GRM5: variants seen among roughly 807,000 people sequenced by gnomAD.
The protein encoded by GRM5 is metabotropic glutamate receptor 5.
A neutral mutation model predicts 83.1 loss-of-function variants in GRM5; 19 were observed. That is an observed-to-expected ratio of 0.23 (90% confidence interval 0.16 to 0.34). The LOEUF is 0.34. GRM5 is among the 10% of genes least tolerant of loss of function. GRM5 has a pLI of 1.00. For synonymous variants in GRM5, 675 were observed against 633.6 expected (o/e 1.07, Z -0.98); for missense variants, 1,160 against 1,588.3 (o/e 0.73, Z 4.58).
chr11:88,525,598 C>T (rs927974193), intron 8 of GRM5, among the ~76,000 whole-genome samples, 194 bp from the exon 9 acceptor site: 16 of 152,154 alleles, frequency 1.1e-4, no homozygotes, highest in Admixed American at 4.6e-4. Flanking sequence ...TCAGGGATGA[C>T]GTTGTTACTT....
rs534437118 is a variant in GRM5 at position 88,602,710 on chromosome 11, A to C, written c.1394+2008T>G. 2.0e-5 allele frequency among the ~76,000 whole-genome samples: 3 copies of C among 152,332 alleles called. No homozygotes were observed. The East Asian group carries it at 5.8e-4, about 29-fold the overall frequency. On this transcript the variant is annotated intron_variant, in intron 5 of 9. Transcript: ENST00000305447. ...TTGAAGCCCAGGAGACAGAGTTAAA[A>C]TTTTGACTCTATCATTTACTAGACT... is the stretch of plus-strand genomic sequence containing the variant.
At chr11:89,033,299 A>G (rs548948179) in intron 2 of GRM5, among the ~76,000 whole-genome samples, 1 of 149,306 alleles carries the variant, frequency 6.7e-6, no homozygotes, top group South Asian at 2.1e-4. Context: ...GAGCAATTCC[A>G]AGATTAATAC....
intron 2 of GRM5, among the ~76,000 whole-genome samples, chr11:88,896,652 C>T (rs1489422750): frequency 1.3e-5 from 2 of 151,876 alleles, no homozygotes; most frequent in Non-Finnish European, 1.5e-5. Flanking sequence ...TGATGTGAGT[C>T]CTAGTCTGAG....
chr11:88,840,437 A>T (rs1944177241), intron 3 of GRM5, among the ~76,000 whole-genome samples: 1 of 152,068 alleles, frequency 6.6e-6, no homozygotes, highest in Non-Finnish European at 1.5e-5. Flanking sequence ...TTAGCTCTTG[A>T]ATTTCTCCAA....
intron 2 of GRM5, among the ~76,000 whole-genome samples, chr11:89,028,232 A>G (rs1419673573): frequency 6.6e-6 from 1 of 152,178 alleles, no homozygotes; most frequent in Non-Finnish European, 1.5e-5. Flanking sequence ...ATTAATTATA[A>G]CTAACATCCA....
intron 2 of GRM5, among the ~76,000 whole-genome samples, chr11:88,985,534 A>G (rs1275968355): frequency 1.3e-5 from 2 of 151,566 alleles, no homozygotes; most frequent in Admixed American, 6.5e-5. Flanking sequence ...GTTTTAATAA[A>G]CAACACTTTC....
chr11:88,784,373 C>A (rs1009072189), intron 3 of GRM5, among the ~76,000 whole-genome samples: 4 of 152,090 alleles, frequency 2.6e-5, no homozygotes, highest in Non-Finnish European at 4.4e-5. Context: ...ATAGGAATAA[C>A]TGATCAATAC....
At chr11:88,543,047 G>T (rs562346139) in intron 8 of GRM5, among the ~76,000 whole-genome samples, 16 of 152,262 alleles carry the variant, frequency 1.1e-4, no homozygotes, top group Admixed American at 2.6e-4. Context: ...CAGCCTGGGC[G>T]ACAGAACAAG....
At chr11:88,817,916 A>T (rs916001485) in intron 3 of GRM5, among the ~76,000 whole-genome samples, 3 of 152,102 alleles carry the variant, frequency 2.0e-5, no homozygotes, top group African/African-American at 7.2e-5. Flanking sequence ...TTTAGCCAAC[A>T]TGTTACACTG....
chr11:88,901,506 C>T (rs867192420), intron 2 of GRM5, among the ~76,000 whole-genome samples: 33 of 152,086 alleles, frequency 2.2e-4, no homozygotes, highest in African/African-American at 6.8e-4. Flanking sequence ...TTCTTTGACC[C>T]CAGAAGTATC....
At chr11:88,605,601 G>C (rs1938119238) in intron 4 of GRM5, among the ~76,000 whole-genome samples, 1 of 152,088 alleles carries the variant, frequency 6.6e-6, no homozygotes, top group African/African-American at 2.4e-5. Flanking sequence ...GAGAAAAAAA[G>C]ATGATTTGAA....
chr11:88,874,932 G>A (rs1045696514), intron 2 of GRM5, among the ~76,000 whole-genome samples: 1 of 151,916 alleles, frequency 6.6e-6, no homozygotes, highest in Non-Finnish European at 1.5e-5. Flanking sequence ...ATGAATATCT[G>A]TGCCTTCAGC....
chr11:88,684,504 A>G (rs1002145393), intron 3 of GRM5, among the ~76,000 whole-genome samples: 1 of 152,166 alleles, frequency 6.6e-6, no homozygotes, highest in South Asian at 2.1e-4. Flanking sequence ...GGATGTGCGG[A>G]GTTATAAATA....
At chr11:88,905,034 G>T (rs1945380125) in intron 2 of GRM5, among the ~76,000 whole-genome samples, 2 of 152,028 alleles carry the variant, frequency 1.3e-5, no homozygotes, top group African/African-American at 4.8e-5. Context: ...ATTTAATTTG[G>T]GGCATGAATG....
rs1459559740 is a variant in GRM5, at chr11:88,605,078, C to A, written c.1148-114G>T. The A allele has an allele frequency of 3.8e-6, 3 of 783,382 alleles. No individual in the cohort carries two copies. The East Asian group carries it at 7.4e-5, about 19-fold the overall frequency. The allele number at this position is 783,382 out of a possible 1,614,324, so 48.5% of individuals were successfully genotyped here. On this transcript the variant is annotated intron_variant, in intron 4 of 9. Coordinates refer to ENST00000305447, the MANE Select transcript of GRM5 (RefSeq NM_001143831.3). ...AGAGAATGCACTGGAGCAATTTTATCAGAGTTAGAACCATGGGTAACACTG... is the reference window on the plus strand; with the variant it reads ...AGAGAATGCACTGGAGCAATTTTATAAGAGTTAGAACCATGGGTAACACTG...
At chr11:89,029,263 A>G (rs1565342467) in intron 2 of GRM5, among the ~76,000 whole-genome samples, 1 of 152,242 alleles carries the variant, frequency 6.6e-6, no homozygotes, top group Non-Finnish European at 1.5e-5. Context: ...GGAAAACTAC[A>G]AGTTATCTGG....
intron 2 of GRM5, among the ~76,000 whole-genome samples, chr11:88,928,488 A>G (rs199727836): frequency 0.23 from 6,348 of 27,038 alleles, 450 homozygotes; most frequent in African/African-American, 0.29. Flanking sequence ...ATATATGTAT[A>G]TATGTATATA....
intron 3 of GRM5, among the ~76,000 whole-genome samples, chr11:88,829,234 G>C (rs1159392363): frequency 6.6e-6 from 1 of 152,178 alleles, no homozygotes; most frequent in African/African-American, 2.4e-5. Context: ...GACAAGGCAG[G>C]CAGATCATTT....
intron 3 of GRM5, among the ~76,000 whole-genome samples, chr11:88,829,003 A>G (rs1943939695): frequency 6.6e-6 from 1 of 151,912 alleles, no homozygotes; most frequent in African/African-American, 2.4e-5. Flanking sequence ...AGCCCTCTAA[A>G]TATTAATATT....
Sources: allele counts gnomAD v4.1 joint callset (sites outside exome capture counted in the v4.1 genomes callset), GRCh38; gene constraint gnomAD v4.1.1; transcripts MANE v1.5; gene names NCBI Gene and HGNC (gene_info 2026-07-23, HGNC 2026-07-21).